GRIP2: variants seen among roughly 807,000 people sequenced by gnomAD.
GRIP2 encodes glutamate receptor-interacting protein 2.
GRIP2 carries 58 observed loss-of-function variants against 108.3 expected under a neutral mutation model. The observed-to-expected ratio is 0.54, with a 90% CI of 0.43 to 0.67. GRIP2 has a LOEUF of 0.67. Among genes scored for constraint, GRIP2 ranks in the 30% least tolerant of loss-of-function variants. The probability of loss-of-function intolerance (pLI) is 0.00; values close to 1 mark genes in which losing one functional copy is unlikely to be tolerated. For missense variants in GRIP2, 1,278 were observed against 1,430.6 expected (o/e 0.89, Z 1.72); for synonymous variants, 586 against 598.2 (o/e 0.98, Z 0.30).
intron 16 of GRIP2, among the ~76,000 whole-genome samples, chr3:14,510,931 C>T (rs907868849): frequency 6.6e-6 from 1 of 152,326 alleles, no homozygotes; most frequent in South Asian, 2.1e-4. Flanking sequence ...GTGGAGACTA[C>T]GGGAGAGTCT....
chr3:14,598,539 G>A, the GRIP2 span, among the ~76,000 whole-genome samples: 2 of 151,942 alleles, frequency 1.3e-5, no homozygotes, highest in African/African-American at 2.4e-5. Flanking sequence ...CCTTACTCAT[G>A]CTGTTTCTCT....
At chr3:14,516,910 AG>A (rs1257937102) in intron 11 of GRIP2, among the ~76,000 whole-genome samples, 153 bp downstream of exon 11, 4 of 152,276 alleles carry the variant, frequency 2.6e-5, no homozygotes, top group African/African-American at 9.6e-5. Flanking sequence ...CATCCATGAC[AG>A]CCTGGTGTTC....
rs1475740930 is a variant in GRIP2, at chr3:14,489,284, C to G, written c.*4381G>C. ...TATCAATATTTTAAATTCATCTTTG[C>G]TTTTTTTAGAGGAGTTTGTAATCAC... On this transcript the variant is annotated 3_prime_UTR_variant, in exon 24 of 24. Transcript: ENST00000621039. 2 of 152,370 alleles carry G rather than the reference C, an allele frequency of 1.3e-5. No individual in the cohort carries two copies. Among genetic ancestry groups the G allele is most frequent in the African/African-American group, 2.4e-5 (1 of 41,346 alleles). The allele number at this position is 152,370 out of a possible 1,614,324, so 9.4% of individuals were successfully genotyped here.
At chr3:14,579,153 G>A in the GRIP2 span, among the ~76,000 whole-genome samples, 1 of 152,108 alleles carries the variant, frequency 6.6e-6, no homozygotes, top group African/African-American at 2.4e-5. Flanking sequence ...AACTACATGG[G>A]TGGGTCTCAA....
chr3:14,559,736 C>T (rs544378740), upstream of GRIP2, among the ~76,000 whole-genome samples: 157 of 152,286 alleles, frequency 1.0e-3, no homozygotes, highest in African/African-American at 3.6e-3. Context: ...ACACAAGAAA[C>T]GGAACTGAGG....
At chr3:14,578,012 GT>G in the GRIP2 span, among the ~76,000 whole-genome samples, 1 of 152,378 alleles carries the variant, frequency 6.6e-6, no homozygotes, top group African/African-American at 2.4e-5. Flanking sequence ...CTTCAGGCTG[GT>G]GAGAGGTCCT....
chr3:14,570,343 A>G, the GRIP2 span, among the ~76,000 whole-genome samples: 4 of 152,012 alleles, frequency 2.6e-5, no homozygotes, highest in African/African-American at 9.7e-5. Flanking sequence ...TGACCCTTAC[A>G]CTGAAGCAGC....
At chr3:14,541,986 G>A (rs1308575376), upstream of GRIP2, 23 of 1,352,342 alleles carry the variant, frequency 1.7e-5, no homozygotes, top group Non-Finnish European at 2.3e-5. Context: ...CAACCACGCG[G>A]GAAGGAATGC....
chr3:14,516,905 A>G (rs547124216), intron 11 of GRIP2, among the ~76,000 whole-genome samples, 159 bp downstream of exon 11: 3 of 152,312 alleles, frequency 2.0e-5, no homozygotes, highest in African/African-American at 7.2e-5. Flanking sequence ...CCAACCATCC[A>G]TGACAGCCTG....
chr3:14,565,812 C>A, the GRIP2 span, among the ~76,000 whole-genome samples: 11 of 152,330 alleles, frequency 7.2e-5, no homozygotes, highest in South Asian at 2.1e-3. Flanking sequence ...ACTGGAAGCC[C>A]ACACAGAGGG....
At chr3:14,561,319 C>T in the GRIP2 span, among the ~76,000 whole-genome samples, 1 of 152,244 alleles carries the variant, frequency 6.6e-6, no homozygotes, top group Non-Finnish European at 1.5e-5. Context: ...CCAGTGTGCA[C>T]TACTGTGTGG....
the GRIP2 span, among the ~76,000 whole-genome samples, chr3:14,562,967 C>A: frequency 6.6e-6 from 1 of 151,928 alleles, no homozygotes; most frequent in Non-Finnish European, 1.5e-5. Context: ...GAGAACATTC[C>A]ACAGGAAGAA....
chr3:14,559,014 A>T (rs1279848450), upstream of GRIP2, among the ~76,000 whole-genome samples: 3 of 152,078 alleles, frequency 2.0e-5, no homozygotes, highest in Admixed American at 6.5e-5. Flanking sequence ...GGGGCAAAAT[A>T]CTTGTTAGGT....
the GRIP2 span, among the ~76,000 whole-genome samples, chr3:14,592,816 G>A: frequency 2.6e-5 from 4 of 152,142 alleles, no homozygotes; most frequent in Non-Finnish European, 5.9e-5. Flanking sequence ...CGTGATCCTT[G>A]TTCTTGGCCA....
At chr3:14,510,561 G>A (rs1694058944) in intron 16 of GRIP2, among the ~76,000 whole-genome samples, 1 of 151,992 alleles carries the variant, frequency 6.6e-6, no homozygotes, top group African/African-American at 2.4e-5. Flanking sequence ...CATTGCACCT[G>A]GCCCAACTTT....
At chr3:14,532,965 G>A (rs973145367) in intron 1 of GRIP2, among the ~76,000 whole-genome samples, 5 of 152,182 alleles carry the variant, frequency 3.3e-5, no homozygotes, top group Admixed American at 1.3e-4. Context: ...ACCGTGCTCC[G>A]CCAGACCAGG....
At position 14,525,844 on chromosome 3, in the gene GRIP2, T is replaced by G; in HGVS notation, c.121+7A>C. On this transcript the variant is annotated splice_region_variant and intron_variant, in intron 2 of 23. Coordinates refer to ENST00000621039, the MANE Select transcript of GRIP2 (RefSeq NM_001080423.4). ...AGAAAAAGAGGGAATGAGGGAAGCC[T>G]CATTACCTGGAATGCTCTGTCTGCG... The G allele has an allele frequency of 6.4e-7, 1 of 1,555,578 alleles. No homozygotes were observed. Among genetic ancestry groups the G allele is most frequent in the Non-Finnish European group, 8.7e-7 (1 of 1,149,498 alleles).
At chr3:14,561,700 C>G in the GRIP2 span, among the ~76,000 whole-genome samples, 1 of 152,242 alleles carries the variant, frequency 6.6e-6, no homozygotes, top group Non-Finnish European at 1.5e-5. Context: ...AGCATCTCAT[C>G]AGAGATGCCT....
At chr3:14,559,855 GTGC>G (rs1695291457), upstream of GRIP2, among the ~76,000 whole-genome samples, 1 of 152,198 alleles carries the variant, frequency 6.6e-6, no homozygotes, top group Non-Finnish European at 1.5e-5. Context: ...GCACCTCATA[GTGC>G]TGCAGGAAAA....
Sources: allele counts gnomAD v4.1 joint callset (sites outside exome capture counted in the v4.1 genomes callset), GRCh38; gene constraint gnomAD v4.1.1; transcripts MANE v1.5; gene names NCBI Gene and HGNC (gene_info 2026-07-23, HGNC 2026-07-21).